XDH: variants seen among roughly 807,000 people sequenced by gnomAD.
The protein encoded by XDH is xanthine dehydrogenase.
In XDH, 138 loss-of-function variants were observed where a neutral mutation model predicts 156.1. The ratio of observed to expected loss-of-function variants is 0.88; its 90% CI spans 0.77 to 1.02. The LOEUF (loss-of-function observed/expected upper bound fraction) is 1.02. XDH is among the 50% of genes least tolerant of loss of function. XDH has a pLI of 0.00. For synonymous variants in XDH, 669 were observed against 625.7 expected, an observed-to-expected ratio of 1.07 and a Z score of -1.03; for missense variants, 1,849 against 1,684.9, an observed-to-expected ratio of 1.10 and a Z score of -1.71.
At chr2:31,365,931 T>C in intron 22 of XDH, 45 bp downstream of exon 22, 3 of 1,613,878 alleles carry the variant, frequency 1.9e-6, no homozygotes, top group Non-Finnish European at 2.5e-6. Context: ...ACAGCCTTAT[T>C]CTTCTTCCCA....
intron 23 of XDH, among the ~76,000 whole-genome samples, chr2:31,364,611 G>A (rs560016208): frequency 2.0e-5 from 3 of 152,058 alleles, no homozygotes; most frequent in African/African-American, 4.8e-5. Context: ...GAAAGATACC[G>A]GACTGTCTCC....
At position 31,335,808 on chromosome 2, in the gene XDH, C is replaced by T. The variant is rs45585440; in HGVS notation, c.*150G>A. On this transcript the variant is annotated 3_prime_UTR_variant, in exon 36 of 36. Transcript: ENST00000379416. ...AATTACATTTTTGATCAAAATCTTC[C>T]ATTGCATTCACTTGTCTTCCAAATC... The T allele has an allele frequency of 8.1e-6, 7 of 862,620 alleles. No individual in the cohort carries two copies. In the East Asian group the frequency reaches 1.8e-4, roughly 22 times the overall value. The allele number at this position is 862,620 out of a possible 1,614,324, so 53.4% of individuals were successfully genotyped here. A position where few individuals can be genotyped will look rare whatever the true frequency, so the allele number is the denominator to read the frequency against.
chr2:31,341,508 A>AGGGCTTTCTGCTTGGG, intron 32 of XDH, 114 bp from the exon 33 acceptor site: 1 of 1,081,288 alleles, frequency 9.2e-7, no homozygotes, highest in Non-Finnish European at 1.4e-6. Context: ...GTACGTTCCC[A>AGGGCTTTCTGCTTGGG]AGCAGAAAGC....
rs1685174928 is a variant in XDH at position 31,343,301 on chromosome 2, T to TGC, written c.3405-1005_3405-1004insGC. Among the ~76,000 whole-genome samples the TGC allele has an allele frequency of 4.3e-5, 5 of 116,898 alleles. 1 individual carries two copies. The East Asian group carries it at 9.3e-4, about 22-fold the overall frequency. The allele number at this position is 116,898 out of a possible 152,430, so 76.7% of individuals were successfully genotyped here. On this transcript the variant is annotated intron_variant, in intron 31 of 35. Coordinates refer to ENST00000379416, the MANE Select transcript of XDH (RefSeq NM_000379.4). ...TTTCTTCACCATATATATATATATA[T>TGC]ATATATATATATATATATATATATA...
At chr2:31,370,994 A>C (rs969703415) in intron 17 of XDH, among the ~76,000 whole-genome samples, 6 of 152,304 alleles carry the variant, frequency 3.9e-5, no homozygotes, top group African/African-American at 1.2e-4. Flanking sequence ...TCCCTCCCAA[A>C]ATCAGCACAT....
intron 8 of XDH, 88 bp downstream of exon 8, chr2:31,387,723 A>C: frequency 3.2e-6 from 4 of 1,260,242 alleles, no homozygotes; most frequent in Non-Finnish European, 4.5e-6. Flanking sequence ...AGAAAGACAC[A>C]AAGTTCCCAG....
At chr2:31,400,400 G>C (rs1047079158) in intron 4 of XDH, among the ~76,000 whole-genome samples, 1 of 151,938 alleles carries the variant, frequency 6.6e-6, no homozygotes, top group Non-Finnish European at 1.5e-5. Flanking sequence ...CACTCCGCCT[G>C]GCTAATTTTT....
rs777900662 is a variant in XDH at position 31,337,715 on chromosome 2, C to G, written c.3877G>C (p.Glu1293Gln). 1.9e-6 allele frequency: 3 copies of G among 1,614,216 alleles called. No homozygotes were observed. The highest frequency in any genetic ancestry group is 2.5e-6 in the Non-Finnish European group (3 of 1,180,034). Residue 1293 changes from glutamate to glutamine, a missense_variant, in exon 35 of 36, where the codon GAA (glutamate) becomes CAA (glutamine). Glu to Gln is a conservative substitution (Grantham distance 29). Coordinates refer to ENST00000379416, the MANE Select transcript of XDH (RefSeq NM_000379.4). ...RAQHTGNNVK[E>Q]LFRLDSPATP... ...GCAGGGCTGTCTAGCCGGAAGAGTT[C>G]CTTCACGTTATTACCTGTGTGCTGA...
At chr2:31,397,508 T>C (rs1279809324) in intron 6 of XDH, among the ~76,000 whole-genome samples, 160 bp downstream of exon 6, 1 of 152,224 alleles carries the variant, frequency 6.6e-6, no homozygotes, top group Non-Finnish European at 1.5e-5. Flanking sequence ...TGGCAGACTC[T>C]ACTCCCCATG....
chr2:31,385,260 C>A (rs1558306697), intron 9 of XDH, among the ~76,000 whole-genome samples: 1 of 152,214 alleles, frequency 6.6e-6, no homozygotes. Flanking sequence ...TACACCTGAG[C>A]TACATGAGCC....
chr2:31,364,645 C>A (rs994727), intron 23 of XDH, among the ~76,000 whole-genome samples: 109,755 of 151,954 alleles, frequency 0.72, 39,691 homozygotes, highest in East Asian at 0.81. Flanking sequence ...TCAGAAGACA[C>A]AAAAAGTTTC....
chr2:31,343,910 A>G (rs1236668267), intron 31 of XDH, among the ~76,000 whole-genome samples: 1 of 151,890 alleles, frequency 6.6e-6, no homozygotes, highest in Non-Finnish European at 1.5e-5. Context: ...TTATGCATCT[A>G]TATATTCATA....
chr2:31,406,110 A>C, intron 1 of XDH, 146 bp from the exon 2 acceptor site: 3 of 922,900 alleles, frequency 3.3e-6, no homozygotes, highest in Non-Finnish European at 3.4e-6. Context: ...TCTAAATCTC[A>C]TGTTTAATTG....
intron 1 of XDH, among the ~76,000 whole-genome samples, chr2:31,411,413 A>C (rs149994526): frequency 6.6e-6 from 1 of 151,954 alleles, no homozygotes; most frequent in African/African-American, 2.4e-5. Context: ...AATTATGTAC[A>C]TTAATATATA....
chr2:31,344,603 G>C, intron 31 of XDH, 81 bp downstream of exon 31: 4 of 1,515,302 alleles, frequency 2.6e-6, no homozygotes, highest in Non-Finnish European at 1.8e-6. Flanking sequence ...CCACAGCCTG[G>C]CAGGATTCGG....
intron 30 of XDH, among the ~76,000 whole-genome samples, chr2:31,346,154 C>G (rs1184854854): frequency 6.6e-6 from 1 of 152,244 alleles, no homozygotes; most frequent in African/African-American, 2.4e-5. Context: ...AATATTTCCA[C>G]TTGCTGGAGG....
intron 34 of XDH, among the ~76,000 whole-genome samples, chr2:31,338,691 A>G (rs1685037644): frequency 6.7e-6 from 1 of 148,366 alleles, no homozygotes; most frequent in Non-Finnish European, 1.5e-5. Flanking sequence ...AGAAGACACA[A>G]TCCTCCAGGC....
In XDH at chr2:31,387,826, A is replaced by G. The variant is rs140225517; in HGVS notation, c.636T>C (p.Phe212=). 1,257 of 1,583,564 alleles carry G rather than the reference A, an allele frequency of 7.9e-4. 20 individuals carry two copies. Among genetic ancestry groups the G allele is most frequent in the Middle Eastern group, 1.2e-3 (7 of 6,016 alleles). The change falls in exon 8 of 36, where the codon TTT becomes TTC. Residue 212 remains phenylalanine, a synonymous_variant. Coordinates refer to ENST00000379416, the MANE Select transcript of XDH (RefSeq NM_000379.4). ...TPLDPTQEPI[F]PPELLRLKDT... ...CATCACCTACCAGCAACTCTGGGGG[A>G]AAAATGGGCTCCTGGGTTGGATCCA...
intron 2 of XDH, among the ~76,000 whole-genome samples, chr2:31,403,660 G>A (rs1182000704): frequency 6.6e-6 from 1 of 152,158 alleles, no homozygotes; most frequent in African/African-American, 2.4e-5. Flanking sequence ...TAGACCAGAG[G>A]CTTTTGAATA....
Sources: allele counts gnomAD v4.1 joint callset (sites outside exome capture counted in the v4.1 genomes callset), GRCh38; gene constraint gnomAD v4.1.1; transcripts MANE v1.5; gene names NCBI Gene and HGNC (gene_info 2026-07-23, HGNC 2026-07-21).